The following ZNF215 variants were observed in gnomAD, a reference collection of about 807,000 sequenced individuals.
The protein encoded by ZNF215 is BWSCR2-associated zinc finger protein 2.
ZNF215 carries 24 observed loss-of-function variants against 27.2 expected under a neutral mutation model. The observed-to-expected ratio is 0.88, with a 90% CI of 0.64 to 1.24. The LOEUF (loss-of-function observed/expected upper bound fraction) is 1.24, where lower values mean the gene tolerates loss of function less well. Among genes scored for constraint, ZNF215 ranks in the 50% most tolerant of loss-of-function variants. The pLI is 0.00. For synonymous variants in ZNF215, 210 were observed against 204.0 expected (o/e 1.03, Z -0.25); for missense variants, 675 against 605.7 (o/e 1.11, Z -1.20).
At chr11:6,960,099 A>G (rs1850484398), downstream of ZNF215, among the ~76,000 whole-genome samples, 1 of 152,194 alleles carries the variant, frequency 6.6e-6, no homozygotes. Flanking sequence ...TTCTATTTTC[A>G]CTAATACTAA....
rs1850396598 is a variant in ZNF215 at position 6,957,244 on chromosome 11, A to T, written c.*713A>T. The T allele has an allele frequency of 1.0e-6, 1 of 960,490 alleles. No individual in the cohort carries two copies. The allele number at this position is 960,490 out of a possible 1,614,324, so 59.5% of individuals were successfully genotyped here. A position where few individuals can be genotyped will look rare whatever the true frequency, so the allele number is the denominator to read the frequency against. ...AATTGTTATGATGTTGATGAGAAAA[A>T]TATCGATTCCCAGCCAGGGACACTG... is the stretch of plus-strand genomic sequence containing the variant. On this transcript the variant is annotated 3_prime_UTR_variant, in exon 7 of 7. Coordinates refer to ENST00000278319, the MANE Select transcript of ZNF215 (RefSeq NM_013250.4).
At chr11:6,961,665 T>C (rs1351360858), downstream of ZNF215, among the ~76,000 whole-genome samples, 5 of 152,144 alleles carry the variant, frequency 3.3e-5, no homozygotes, top group African/African-American at 1.2e-4. Flanking sequence ...CATCGGGCCT[T>C]TTGGTTATCC....
At chr11:6,971,722 A>G (rs1301136934) in intron 5 of ZNF215, among the ~76,000 whole-genome samples, 1 of 152,174 alleles carries the variant, frequency 6.6e-6, no homozygotes, top group Non-Finnish European at 1.5e-5. Flanking sequence ...GAAGAAATAT[A>G]TGGAATGATA....
chr11:6,958,735 A>G (rs1850455798), downstream of ZNF215, among the ~76,000 whole-genome samples: 3 of 152,200 alleles, frequency 2.0e-5, no homozygotes, highest in South Asian at 6.2e-4. Flanking sequence ...ATAAGAGTCC[A>G]AGTCCCAAAA....
chr11:6,943,491 C>A, intron 5 of ZNF215, 55 bp from the exon 6 acceptor site: 2 of 1,481,000 alleles, frequency 1.4e-6, no homozygotes, highest in South Asian at 2.3e-5. Context: ...ATAAAAATGT[C>A]TGAAGTGTCA....
chr11:6,989,055 C>A (rs1244794563), downstream of ZNF215: 1 of 144,534 alleles, frequency 6.9e-6, no homozygotes, highest in Non-Finnish European at 1.5e-5. Flanking sequence ...TACTCGGAGG[C>A]TAAGGCAGGA....
At position 6,932,535 on chromosome 11, in the gene ZNF215, T is replaced by G; in HGVS notation, c.263T>G (p.Ile88Arg). The G allele has an allele frequency of 6.2e-7, 1 of 1,614,166 alleles. No homozygotes were observed. The highest frequency in any genetic ancestry group is 1.6e-4 in the Middle Eastern group (1 of 6,062). The change falls in exon 3 of 7, where the codon ATA becomes AGA. Residue 88 changes from isoleucine (I) to arginine (R), a missense_variant. Physicochemically the swap from Ile to Arg is moderately conservative, Grantham distance 97. Transcript: ENST00000278319. Reference protein sequence around the residue: ...RPEIHTKKQIIELLVLEQFLA... With the variant: ...RPEIHTKKQIRELLVLEQFLA... ...GAGATTCATACAAAGAAGCAGATTA[T>G]AGAACTGTTGGTGCTGGAACAATTC...
chr11:6,934,688 C>T (rs1045004976), intron 3 of ZNF215, among the ~76,000 whole-genome samples: 1 of 152,222 alleles, frequency 6.6e-6, no homozygotes. Flanking sequence ...AGGTTCCTCA[C>T]TTTTCAGGAT....
At position 6,955,957 on chromosome 11, in the gene ZNF215, C is replaced by T. The variant is rs766698297; in HGVS notation, c.980C>T (p.Ser327Leu). 1.4e-5 allele frequency: 22 copies of T among 1,612,974 alleles called. No homozygotes were observed. The highest frequency in any genetic ancestry group is 1.7e-5 in the Admixed American group (1 of 59,834). Residue 327 changes from serine to leucine, a missense_variant, in exon 7 of 7, where the codon TCA becomes TTA. Transcript: ENST00000278319. The stretch of plus-strand genomic sequence containing the variant: ...TGTGCTATACAAGTGGGAATTCCTT[C>T]AAGAAAGGGGTCTCCAAAATGTGAT... ...SICAIQVGIP[S>L]RKGSPKCDKF... is the part of the protein sequence containing the mutation.
At chr11:6,934,330 T>G (rs1278839380) in intron 3 of ZNF215, among the ~76,000 whole-genome samples, 1 of 152,192 alleles carries the variant, frequency 6.6e-6, no homozygotes, top group Non-Finnish European at 1.5e-5. Context: ...ATTTTGAGGT[T>G]TAGTTTGAGC....
At chr11:6,937,699 C>T (rs1849485895) in intron 3 of ZNF215, among the ~76,000 whole-genome samples, 1 of 151,874 alleles carries the variant, frequency 6.6e-6, no homozygotes, top group Non-Finnish European at 1.5e-5. Context: ...TAAACTCATA[C>T]ATCTATGTCC....
At chr11:6,991,355 C>T (rs149584511), downstream of ZNF215, among the ~76,000 whole-genome samples, 23 of 152,342 alleles carry the variant, frequency 1.5e-4, no homozygotes, top group African/African-American at 5.5e-4. Context: ...GGTCTGGACA[C>T]CCTCCCTGCC....
chr11:6,956,818 C>T lies in ZNF215; in HGVS notation c.*287C>T, dbSNP rs936912240. Reference sequence around the variant, plus strand: ...ATTTTGATATCCATTACCCTCACCTCTCCCTAGTTCATAAATAGGTCTATA... The same window carrying T: ...ATTTTGATATCCATTACCCTCACCTTTCCCTAGTTCATAAATAGGTCTATA... On this transcript the variant is annotated 3_prime_UTR_variant, in exon 7 of 7. Coordinates refer to ENST00000278319, the MANE Select transcript of ZNF215 (RefSeq NM_013250.4). The T allele has an allele frequency of 1.8e-6, 2 of 1,138,022 alleles. No individual in the cohort carries two copies. The highest frequency in any genetic ancestry group is 2.2e-6 in the Non-Finnish European group (2 of 927,672). 70.5% of individuals were successfully genotyped at this position (1,138,022 alleles called of 1,614,324 possible). A position where few individuals can be genotyped will look rare whatever the true frequency, so the allele number is the denominator to read the frequency against.
At chr11:6,928,498 T>C (rs887996012) in intron 2 of ZNF215, among the ~76,000 whole-genome samples, 4 of 152,192 alleles carry the variant, frequency 2.6e-5, no homozygotes, top group African/African-American at 9.6e-5. Flanking sequence ...TTCATTATAA[T>C]TTTAATTCAC....
intron 5 of ZNF215, among the ~76,000 whole-genome samples, chr11:6,973,165 C>G (rs921347820): frequency 1.3e-5 from 2 of 152,056 alleles, no homozygotes; most frequent in Non-Finnish European, 2.9e-5. Context: ...TCTGTCCTTG[C>G]AATAGTTTGC....
In ZNF215 at chr11:6,956,606, A is replaced by C; in HGVS notation, c.*75A>C. 6.8e-7 allele frequency: 1 copy of C among 1,466,576 alleles called. No homozygotes were observed. The allele number at this position is 1,466,576 out of a possible 1,614,324, so 90.8% of individuals were successfully genotyped here. The stretch of plus-strand genomic sequence containing the variant: ...AACATCATGAATTTATGCTGGATAA[A>C]ATCTCATGAATATAATGTAAGAAAA... On this transcript the variant is annotated 3_prime_UTR_variant, in exon 7 of 7. Transcript: ENST00000278319.
Position 6,932,452 on chromosome 11 carries a change from T to C in ZNF215, c.180T>C (p.Ser60=). The change falls in exon 3 of 7, where the codon TCT becomes TCC. Residue 60 remains serine (S), a synonymous_variant. Transcript: ENST00000278319. ...KFRHFQYLKV[S]GPHEALSQLW... ...GACATTTCCAGTATTTGAAAGTGTCTGGGCCCCATGAAGCCCTGAGCCAAC... is the reference window on the plus strand; with the variant it reads ...GACATTTCCAGTATTTGAAAGTGTCCGGGCCCCATGAAGCCCTGAGCCAAC... The C allele has an allele frequency of 6.2e-7, 1 of 1,614,188 alleles. No homozygotes were observed. Among genetic ancestry groups the C allele is most frequent in the South Asian group, 1.1e-5 (1 of 91,084 alleles).
At chr11:6,955,518 A>C (rs1176181008) in intron 6 of ZNF215, among the ~76,000 whole-genome samples, 172 bp from the exon 7 acceptor site, 1 of 152,106 alleles carries the variant, frequency 6.6e-6, no homozygotes, top group Non-Finnish European at 1.5e-5. Flanking sequence ...ACCTCCTTTT[A>C]ACATTTTTGT....
chr11:6,963,416 GC>G (rs1850557236), intron 5 of ZNF215, among the ~76,000 whole-genome samples: 2 of 151,868 alleles, frequency 1.3e-5, no homozygotes, highest in South Asian at 4.2e-4. Flanking sequence ...AAATAAAATT[GC>G]TATTAAAATA....
Sources: allele counts gnomAD v4.1 joint callset (sites outside exome capture counted in the v4.1 genomes callset), GRCh38; gene constraint gnomAD v4.1.1; transcripts MANE v1.5; gene names NCBI Gene and HGNC (gene_info 2026-07-23, HGNC 2026-07-21).